The following SPATA17 variants were observed in gnomAD, a reference collection of about 807,000 sequenced individuals.
SPATA17 encodes the protein spermatogenesis associated 17, also known as spermatogenesis-associated protein 17.
SPATA17 carries 53 observed loss-of-function variants against 62.2 expected under a neutral mutation model. The observed-to-expected ratio is 0.85, with a 90% confidence interval of 0.68 to 1.07. The LOEUF (loss-of-function observed/expected upper bound fraction) is 1.07. Among genes scored for constraint, SPATA17 ranks in the 50% least tolerant of loss-of-function variants. The pLI, the probability that SPATA17 is intolerant of heterozygous loss-of-function variation, is 0.00. For missense variants in SPATA17, 466 were observed against 425.5 expected (o/e 1.10, Z -0.84); for synonymous variants, 146 against 146.8 (o/e 0.99, Z 0.04).
chr1:217,816,600 A>G (rs1183185428), intron 9 of SPATA17, among the ~76,000 whole-genome samples: 1 of 151,984 alleles, frequency 6.6e-6, no homozygotes, highest in African/African-American at 2.4e-5. Flanking sequence ...AAAGTTTGCT[A>G]TTGGATACAT....
chr1:217,791,752 T>G (rs140673842), intron 8 of SPATA17, among the ~76,000 whole-genome samples: 1 of 152,168 alleles, frequency 6.6e-6, no homozygotes, highest in Non-Finnish European at 1.5e-5. Flanking sequence ...ACCAGCACAG[T>G]GTTTTAGGCC....
At chr1:217,735,730 T>G (rs190802014) in intron 5 of SPATA17, among the ~76,000 whole-genome samples, 53 of 152,276 alleles carry the variant, frequency 3.5e-4, no homozygotes, top group Non-Finnish European at 6.9e-4. Flanking sequence ...AGGTTTTGTG[T>G]TTTTTGTTCT....
At chr1:217,818,947 A>G (rs1453977514) in intron 9 of SPATA17, among the ~76,000 whole-genome samples, 1 of 144,672 alleles carries the variant, frequency 6.9e-6, no homozygotes, top group Non-Finnish European at 1.5e-5. Context: ...GGCCATATAG[A>G]ATTTACTTTT....
chr1:217,651,218 C>A, intron 3 of SPATA17, 40 bp downstream of exon 3: 1 of 1,435,848 alleles, frequency 7.0e-7, no homozygotes. Flanking sequence ...TTGAATTGTA[C>A]AATATGCTGT....
chr1:217,651,290 G>T (rs915836619), intron 3 of SPATA17, 112 bp downstream of exon 3: 33 of 785,164 alleles, frequency 4.2e-5, no homozygotes, highest in Non-Finnish European at 5.8e-5. Flanking sequence ...GAGTATTTAT[G>T]TAAGGACAAA....
At chr1:217,776,774 T>G (rs948906125) in intron 7 of SPATA17, among the ~76,000 whole-genome samples, 1 of 151,968 alleles carries the variant, frequency 6.6e-6, no homozygotes, top group African/African-American at 2.4e-5. Flanking sequence ...ATCCTCTTGG[T>G]TGGTTCCCTC....
At chr1:217,686,089 C>G (rs1671209189) in intron 5 of SPATA17, among the ~76,000 whole-genome samples, 1 of 152,078 alleles carries the variant, frequency 6.6e-6, no homozygotes, top group Non-Finnish European at 1.5e-5. Flanking sequence ...GGAACACATT[C>G]TCTGTGAATA....
chr1:217,725,841 G>T (rs918017545), intron 5 of SPATA17, among the ~76,000 whole-genome samples: 4 of 152,170 alleles, frequency 2.6e-5, no homozygotes, highest in South Asian at 4.1e-4. Flanking sequence ...TAATCTTCTT[G>T]TAAAGGAATG....
intron 4 of SPATA17, 88 bp from the exon 5 acceptor site, chr1:217,683,170 A>C: frequency 1.2e-6 from 1 of 817,950 alleles, no homozygotes; most frequent in South Asian, 1.9e-5. Flanking sequence ...AGGAGTTATC[A>C]GCCATAATTA....
chr1:217,840,904 G>A (rs1048312436), intron 9 of SPATA17, among the ~76,000 whole-genome samples: 1 of 151,654 alleles, frequency 6.6e-6, no homozygotes, highest in Non-Finnish European at 1.5e-5. Context: ...CAATAATTTA[G>A]CTCTGCTTTA....
intron 1 of SPATA17, among the ~76,000 whole-genome samples, chr1:217,631,886 T>A (rs753744501): frequency 6.6e-6 from 1 of 152,148 alleles, no homozygotes; most frequent in Non-Finnish European, 1.5e-5. Context: ...TTCGCCTTTT[T>A]AAAATGAACG....
intron 1 of SPATA17, among the ~76,000 whole-genome samples, chr1:217,634,480 T>C (rs1221145432): frequency 6.6e-6 from 1 of 152,092 alleles, no homozygotes; most frequent in East Asian, 1.9e-4. Context: ...TCAATCTGGG[T>C]GGTGCCAGCT....
At chr1:217,785,499 T>G (rs981039427) in intron 8 of SPATA17, among the ~76,000 whole-genome samples, 1 of 152,038 alleles carries the variant, frequency 6.6e-6, no homozygotes, top group African/African-American at 2.4e-5. Flanking sequence ...CCAGATCTCA[T>G]GAGAACTCAC....
At chr1:217,837,561 T>C (rs1675290436) in intron 9 of SPATA17, among the ~76,000 whole-genome samples, 4 of 152,060 alleles carry the variant, frequency 2.6e-5, no homozygotes, top group African/African-American at 9.7e-5. Flanking sequence ...CTGATGAAAG[T>C]TAAGGAAAAT....
intron 2 of SPATA17, among the ~76,000 whole-genome samples, chr1:217,650,715 C>T (rs1231337585): frequency 1.3e-5 from 2 of 152,210 alleles, no homozygotes; most frequent in Admixed American, 6.5e-5. Context: ...TGAGCCACTG[C>T]GCCCGGCCCT....
At chr1:217,708,804 TC>T (rs1452956235) in intron 5 of SPATA17, among the ~76,000 whole-genome samples, 7 of 151,814 alleles carry the variant, frequency 4.6e-5, no homozygotes, top group Admixed American at 3.9e-4. Context: ...GCAAACCATA[TC>T]CAGCAGCACA....
chr1:217,662,308 C>G (rs1289034671), intron 3 of SPATA17, among the ~76,000 whole-genome samples: 1 of 151,914 alleles, frequency 6.6e-6, no homozygotes, highest in Non-Finnish European at 1.5e-5. Context: ...TAACTGTAGT[C>G]CTAGACAGGT....
intron 8 of SPATA17, among the ~76,000 whole-genome samples, chr1:217,795,362 CTTTTTTTTTTTT>C (rs71560537): frequency 8.6e-4 from 60 of 69,552 alleles, no homozygotes; most frequent in Admixed American, 1.7e-3. Flanking sequence ...ACAAAAGTCT[CTTTTTTTTTTTT>C]TTTTTTTTTT....
Position 217,712,128 on chromosome 1 carries a change from C to CTTT in SPATA17, c.395+28769_395+28771dup, listed in dbSNP as rs551988828. 6.0e-5 allele frequency among the ~76,000 whole-genome samples: 8 copies of CTTT among 134,112 alleles called. 1 individual carries two copies. Among genetic ancestry groups the CTTT allele is most frequent in the East Asian group, 4.1e-4 (2 of 4,938 alleles). The allele number at this position is 134,112 out of a possible 152,430, so 88.0% of individuals were successfully genotyped here. On this transcript the variant is annotated intron_variant, in intron 5 of 10. Coordinates refer to ENST00000366933, the MANE Select transcript of SPATA17 (RefSeq NM_138796.4). ...GGACCCTTAAGTTCTACAATATGTT[C>CTTT]TTTTGTTTTTTTTTTTTTACGGAGT...
Sources: gnomAD v4.1 joint callset for allele counts (sites outside exome capture counted in the v4.1 genomes callset) on GRCh38, gnomAD v4.1.1 for gene constraint, MANE v1.5 for transcripts, NCBI Gene and HGNC (gene_info 2026-07-23, HGNC 2026-07-21) for gene names.